CDH4: variants seen among roughly 807,000 people sequenced by gnomAD.
CDH4 encodes the protein cadherin-4.
Under a neutral mutation model 86.0 loss-of-function variants are expected in CDH4, and 33 were observed. That is an observed-to-expected ratio of 0.38 (90% CI 0.29 to 0.51). The LOEUF (loss-of-function observed/expected upper bound fraction) is 0.51, where lower values mean the gene tolerates loss of function less well. CDH4 is among the 20% of genes least tolerant of loss of function. The probability of loss-of-function intolerance (pLI) is 0.86; values close to 1 mark genes in which losing one functional copy is unlikely to be tolerated. For synonymous variants in CDH4, 555 were observed against 549.4 expected, an observed-to-expected ratio of 1.01 and a Z score of -0.14; for missense variants, 1,114 against 1,307.4, an observed-to-expected ratio of 0.85 and a Z score of 2.28.
At chr20:61,892,714 C>G (rs182770981) in intron 7 of CDH4, among the ~76,000 whole-genome samples, 1 of 152,152 alleles carries the variant, frequency 6.6e-6, no homozygotes, top group Admixed American at 6.5e-5. Flanking sequence ...AAAACAACCA[C>G]CATTTATTTC....
chr20:61,394,424 C>T (rs951985073), intron 2 of CDH4, among the ~76,000 whole-genome samples: 5 of 152,174 alleles, frequency 3.3e-5, no homozygotes, highest in Non-Finnish European at 7.3e-5. Context: ...GTCGGTTGTT[C>T]CCATCTTCCT....
intron 4 of CDH4, among the ~76,000 whole-genome samples, chr20:61,793,966 G>A (rs529955417): frequency 1.9e-4 from 26 of 134,422 alleles, no homozygotes; most frequent in Middle Eastern, 4.0e-3. Flanking sequence ...GTGAAACCTC[G>A]TCTCTACTAA....
intron 5 of CDH4, among the ~76,000 whole-genome samples, chr20:61,846,863 G>A (rs534835280): frequency 4.7e-4 from 71 of 152,248 alleles, no homozygotes; most frequent in African/African-American, 1.5e-3. Context: ...CATCCAAGGG[G>A]CACCAGGAGA....
chr20:61,281,933 C>T (rs1868750242), intron 2 of CDH4, among the ~76,000 whole-genome samples: 1 of 152,206 alleles, frequency 6.6e-6, no homozygotes, highest in South Asian at 2.1e-4. Flanking sequence ...TTGAAAATTC[C>T]AAACCGATGT....
chr20:61,720,554 T>G (rs1233021736), intron 2 of CDH4, among the ~76,000 whole-genome samples: 1 of 124,962 alleles, frequency 8.0e-6, no homozygotes, highest in African/African-American at 3.8e-5. Flanking sequence ...AGTGTAGGGG[T>G]GCAGGGGTGC....
rs756983749 is a variant in CDH4, at chr20:61,933,098, G to A, written c.2353G>A (p.Glu785Lys). The A allele has an allele frequency of 1.9e-6, 3 of 1,613,078 alleles. No homozygotes were observed. The highest frequency in any genetic ancestry group is 1.1e-5 in the South Asian group (1 of 91,070). Residue 785 changes from glutamate (E) to lysine (K), a missense_variant, in exon 14 of 16, where the codon GAG (glutamate) becomes AAG (lysine). By Grantham distance (56) the Glu-to-Lys change is moderately conservative. Coordinates refer to ENST00000614565, the MANE Select transcript of CDH4 (RefSeq NM_001794.5). Reference protein sequence around the residue: ...DVRDNILKYDEEGGGEEDQDY... With the variant: ...DVRDNILKYDKEGGGEEDQDY... Reference sequence around the variant, plus strand: ...CCGCGACAACATCCTCAAGTATGACGAGGAAGGCGGTGGCGAGGAGGACCA... The same window carrying A: ...CCGCGACAACATCCTCAAGTATGACAAGGAAGGCGGTGGCGAGGAGGACCA...
chr20:61,756,512 TC>T, intron 3 of CDH4, among the ~76,000 whole-genome samples: 1 of 85,972 alleles, frequency 1.2e-5, no homozygotes, highest in South Asian at 3.7e-4. Flanking sequence ...CCCAGGCCCA[TC>T]CCCCCATCCC....
Position 61,936,976 on chromosome 20 carries a change from C to T in CDH4, c.*33C>T, listed in dbSNP as rs1369331707. On this transcript the variant is annotated 3_prime_UTR_variant, in exon 16 of 16. Transcript: ENST00000614565. ...CGCATCTTCGGACCGAAGTGAGAGC[C>T]GTGCTCGGACGCCGGAGGAGCAGGA... 20 of 1,522,954 alleles carry T rather than the reference C, an allele frequency of 1.3e-5. No individual in the cohort carries two copies. Among genetic ancestry groups the T allele is most frequent in the African/African-American group, 2.8e-5 (2 of 72,152 alleles). 94.3% of individuals were successfully genotyped at this position (1,522,954 alleles called of 1,614,324 possible). A position where few individuals can be genotyped will look rare whatever the true frequency, so the allele number is the denominator to read the frequency against.
intron 2 of CDH4, among the ~76,000 whole-genome samples, chr20:61,593,208 C>A (rs1055265486): frequency 6.6e-6 from 1 of 152,252 alleles, no homozygotes; most frequent in South Asian, 2.1e-4. Context: ...TAAACTCACA[C>A]ACGCTCATGG....
chr20:61,535,099 A>G (rs1568882043), intron 2 of CDH4, among the ~76,000 whole-genome samples: 1 of 152,234 alleles, frequency 6.6e-6, no homozygotes, highest in Non-Finnish European at 1.5e-5. Context: ...TCCAAGGGGC[A>G]TGGATGGGTG....
At chr20:61,928,840 T>C (rs1002744751) in intron 12 of CDH4, among the ~76,000 whole-genome samples, 2 of 152,248 alleles carry the variant, frequency 1.3e-5, no homozygotes, top group African/African-American at 4.8e-5. Flanking sequence ...TAAACATGTC[T>C]ACTTCCATCG....
chr20:61,522,700 C>T (rs566948530), intron 2 of CDH4, among the ~76,000 whole-genome samples: 12 of 152,260 alleles, frequency 7.9e-5, no homozygotes, highest in Non-Finnish European at 1.6e-4. Flanking sequence ...CTTGTTCACC[C>T]GGCTGCGGGC....
chr20:61,814,175 C>T (rs571861680), intron 4 of CDH4, among the ~76,000 whole-genome samples: 1 of 152,298 alleles, frequency 6.6e-6, no homozygotes, highest in South Asian at 2.1e-4. Context: ...GGAACGGGGA[C>T]AGGAAAGGCC....
At chr20:61,773,578 C>T (rs1174600410) in intron 4 of CDH4, among the ~76,000 whole-genome samples, 1 of 152,226 alleles carries the variant, frequency 6.6e-6, no homozygotes, top group Non-Finnish European at 1.5e-5. Flanking sequence ...CCGAGGCCAG[C>T]GTGCGCCGTG....
intron 2 of CDH4, among the ~76,000 whole-genome samples, chr20:61,476,650 TG>T (rs1427972249): frequency 1.3e-5 from 2 of 152,224 alleles, no homozygotes; most frequent in African/African-American, 4.8e-5. Context: ...TCAGTCCTTC[TG>T]TGTAGCTGAA....
rs944982757 is a variant in CDH4, at chr20:61,879,583, G to C, written c.1050+5683G>C. 2.6e-5 allele frequency among the ~76,000 whole-genome samples: 4 copies of C among 152,170 alleles called. No individual in the cohort carries two copies. The highest frequency in any genetic ancestry group is 9.7e-5 in the African/African-American group (4 of 41,446). On this transcript the variant is annotated intron_variant, in intron 7 of 15. Transcript: ENST00000614565. The surrounding 1 kb of genome is among the most constrained non-coding windows in gnomAD (Gnocchi z 4.1). ...TCTACTTGATTAAGATGTCAGGAGA[G>C]GCTTCGATAAGACCTGAGCGGTTCA...
intron 2 of CDH4, among the ~76,000 whole-genome samples, chr20:61,483,029 G>A (rs1010804611): frequency 7.9e-5 from 12 of 152,200 alleles, no homozygotes; most frequent in African/African-American, 2.9e-4. Flanking sequence ...TAACTACCAG[G>A]CTGTGCTAAG....
At chr20:61,752,353 ACTT>A (rs2088508657) in intron 3 of CDH4, among the ~76,000 whole-genome samples, 1 of 150,068 alleles carries the variant, frequency 6.7e-6, no homozygotes, top group Admixed American at 6.6e-5. Flanking sequence ...AAAAAAAAGA[ACTT>A]CTGATCATCA....
At chr20:61,882,903 TC>T (rs1188685226) in intron 7 of CDH4, among the ~76,000 whole-genome samples, 1 of 149,460 alleles carries the variant, frequency 6.7e-6, no homozygotes, top group Admixed American at 6.7e-5. Context: ...GTCCACTGTC[TC>T]CCCCACACCC....
Sources: gnomAD v4.1 joint callset for allele counts (sites outside exome capture counted in the v4.1 genomes callset) on GRCh38, gnomAD v4.1.1 for gene constraint, Gnocchi (gnomAD v3.1) non-coding constraint, MANE v1.5 for transcripts, NCBI Gene and HGNC (gene_info 2026-07-23, HGNC 2026-07-21) for gene names.